Variants in ATP13A3 observed in about 807,000 individuals in gnomAD.
ATP13A3 encodes polyamine-transporting ATPase 13A3.
In ATP13A3, 59 loss-of-function variants were observed where a neutral mutation model predicts 158.1. The ratio of observed to expected loss-of-function variants is 0.37; its 90% CI spans 0.30 to 0.46. ATP13A3 has a LOEUF of 0.46. Ranked by LOEUF, ATP13A3 falls within the 20% of genes least tolerant of loss-of-function variation. The pLI is 1.00. For missense variants in ATP13A3, 1,166 were observed against 1,525.2 expected (o/e 0.76, Z 3.92); for synonymous variants, 491 against 504.3 (o/e 0.97, Z 0.35).
chr3:194,456,489 G>T (rs1031668196), intron 7 of ATP13A3, among the ~76,000 whole-genome samples: 4 of 151,928 alleles, frequency 2.6e-5, no homozygotes, highest in Non-Finnish European at 5.9e-5. Flanking sequence ...TGAAATGTAA[G>T]TCTAAATGAG....
At chr3:194,443,038 T>TAAAAAAA (rs11426254) in intron 15 of ATP13A3, among the ~76,000 whole-genome samples, 1 of 140,774 alleles carries the variant, frequency 7.1e-6, no homozygotes. Flanking sequence ...TGCTTTCACT[T>TAAAAAAA]AAAAAAAAAA....
intron 15 of ATP13A3, among the ~76,000 whole-genome samples, chr3:194,442,555 G>A (rs1560092367): frequency 6.6e-6 from 1 of 152,186 alleles, no homozygotes; most frequent in South Asian, 2.1e-4. Flanking sequence ...AGACACTGTA[G>A]ATGCGAGAGT....
chr3:194,421,724 G>A (rs1716395572), intron 30 of ATP13A3, among the ~76,000 whole-genome samples: 1 of 151,848 alleles, frequency 6.6e-6, no homozygotes. Context: ...TTTGGAAAGT[G>A]GTGGTTGGAA....
Position 194,404,127 on chromosome 3 carries a change from C to T in ATP13A3, c.*1792G>A. ...TTAATATGGAAATTATAAAATGATCCAGAGAATAAGTAACTATAGAAAATA... is the reference window on the plus strand; with the variant it reads ...TTAATATGGAAATTATAAAATGATCTAGAGAATAAGTAACTATAGAAAATA... On this transcript the variant is annotated 3_prime_UTR_variant, in exon 34 of 34. Transcript: ENST00000645319. The T allele has an allele frequency of 2.2e-6, 1 of 450,534 alleles. No homozygotes were observed. Among genetic ancestry groups the T allele is most frequent in the Non-Finnish European group, 4.4e-6 (1 of 225,534 alleles). 27.9% of individuals were successfully genotyped at this position (450,534 alleles called of 1,614,324 possible). A position where few individuals can be genotyped will look rare whatever the true frequency, so the allele number is the denominator to read the frequency against.
upstream of ATP13A3, among the ~76,000 whole-genome samples, chr3:194,490,439 C>T (rs141330541): frequency 6.6e-6 from 1 of 152,204 alleles, no homozygotes; most frequent in Admixed American, 6.5e-5. The surrounding 1 kb of genome is among the most constrained non-coding windows in gnomAD (Gnocchi z 4.4). Context: ...AGACACTTTG[C>T]TGTTAGTTTT....
Position 194,448,378 on chromosome 3 carries a change from C to A in ATP13A3, c.1150+79G>T. The A allele has an allele frequency of 6.5e-7, 1 of 1,527,488 alleles. No homozygotes were observed. Among genetic ancestry groups the A allele is most frequent in the Non-Finnish European group, 9.0e-7 (1 of 1,110,068 alleles). 94.6% of individuals were successfully genotyped at this position (1,527,488 alleles called of 1,614,324 possible). A position where few individuals can be genotyped will look rare whatever the true frequency, so the allele number is the denominator to read the frequency against. ...CAGGCGTTAGCCACAGCACCCAGCCCAGAATCTCTTTTTAAACATTTAGTA... is the reference window on the plus strand; with the variant it reads ...CAGGCGTTAGCCACAGCACCCAGCCAAGAATCTCTTTTTAAACATTTAGTA... On this transcript the variant is annotated intron_variant, in intron 12 of 33. Coordinates refer to ENST00000645319, the MANE Select transcript of ATP13A3 (RefSeq NM_001367549.1). The surrounding 1 kb of genome is among the most constrained non-coding windows in gnomAD (Gnocchi z 4.0).
intron 2 of ATP13A3, among the ~76,000 whole-genome samples, chr3:194,466,323 A>T (rs1259704392): frequency 6.6e-6 from 1 of 152,202 alleles, no homozygotes; most frequent in Non-Finnish European, 1.5e-5. Context: ...TGAAATCCAT[A>T]AAATTGTTAA....
intron 33 of ATP13A3, among the ~76,000 whole-genome samples, chr3:194,411,579 A>G (rs558552168): frequency 5.9e-5 from 9 of 152,280 alleles, no homozygotes; most frequent in Non-Finnish European, 8.8e-5. Flanking sequence ...AGAACTTGCA[A>G]TACCTTTCAA....
intron 20 of ATP13A3, among the ~76,000 whole-genome samples, chr3:194,436,666 A>C (rs1040777604): frequency 4.6e-5 from 7 of 152,270 alleles, no homozygotes; most frequent in African/African-American, 1.7e-4. Flanking sequence ...AGCCTGGCCA[A>C]CATGGCAAAA....
Position 194,436,420 on chromosome 3 carries a change from T to A in ATP13A3, c.2120+675A>T, listed in dbSNP as rs116400996. On this transcript the variant is annotated intron_variant, in intron 20 of 33. Transcript: ENST00000645319. ...ACTCATTATATTCTGATCAAATTAG[T>A]AGTTATATCCAACCACTGGGCAAAA... 4.5e-3 allele frequency among the ~76,000 whole-genome samples: 679 copies of A among 152,308 alleles called. 1 individual carries two copies. Among genetic ancestry groups the A allele is most frequent in the African/African-American group, 0.016 (650 of 41,576 alleles).
At chr3:194,454,595 A>C (rs138077591) in intron 8 of ATP13A3, among the ~76,000 whole-genome samples, 6 of 150,976 alleles carry the variant, frequency 4.0e-5, no homozygotes, top group Non-Finnish European at 7.4e-5. Flanking sequence ...TTGGGAGGCC[A>C]AGGCGGGCGG....
intron 31 of ATP13A3, among the ~76,000 whole-genome samples, chr3:194,418,144 G>A (rs996928399): frequency 1.1e-4 from 16 of 152,038 alleles, no homozygotes; most frequent in African/African-American, 2.9e-4. Flanking sequence ...ATGGGTATGC[G>A]TAAGAGAAAA....
intron 28 of ATP13A3, 86 bp from the exon 29 acceptor site, chr3:194,427,338 T>C (rs1403953660): frequency 3.9e-6 from 5 of 1,269,064 alleles, no homozygotes; most frequent in African/African-American, 3.1e-5. Context: ...TTAGGAACTT[T>C]AAAAATTTGT....
At position 194,460,809 on chromosome 3, in the gene ATP13A3, C is replaced by T; in HGVS notation, c.74G>A (p.Ser25Asn). The change falls in exon 4 of 34, where the codon AGT (serine) becomes AAT (asparagine). Residue 25 changes from serine (S) to asparagine (N), a missense_variant. Physicochemically the swap from Ser to Asn is conservative, Grantham distance 46 (BLOSUM62 1). This residue lies in a region of ATP13A3 where 65 missense variants were observed against 92.4 expected (regional missense o/e 0.70). Transcript: ENST00000645319. The stretch of plus-strand genomic sequence containing the variant: ...AGAAACTATGGCAAGCTTCCAGCGA[C>T]TCAAATTGTAACCATAAATCTCCTG... The part of the protein sequence containing the change: ...DEMEIYGYNL[S>N]RWKLAIVSLG... 1 of 1,614,064 alleles carries T rather than the reference C, an allele frequency of 6.2e-7. No homozygotes were observed. Among genetic ancestry groups the T allele is most frequent in the Non-Finnish European group, 8.5e-7 (1 of 1,179,966 alleles).
intron 10 of ATP13A3, 161 bp from the exon 11 acceptor site, chr3:194,450,437 A>T: frequency 1.5e-6 from 1 of 668,350 alleles, no homozygotes; most frequent in Non-Finnish European, 2.5e-6. Context: ...TAAGATTATT[A>T]GGCTAACAAA....
chr3:194,434,570 C>T lies in ATP13A3; in HGVS notation c.2121-674G>A, dbSNP rs542824336. On this transcript the variant is annotated intron_variant, in intron 20 of 33. Coordinates refer to ENST00000645319, the MANE Select transcript of ATP13A3 (RefSeq NM_001367549.1). ...CAAAGAGATGCACACAAAAATAGTA[C>T]GTGCTTTAGCACTATAAAAGAGATG... 1.1e-4 allele frequency among the ~76,000 whole-genome samples: 16 copies of T among 152,290 alleles called. No homozygotes were observed. The South Asian group carries it at 3.3e-3, about 32-fold the overall frequency.
Position 194,437,588 on chromosome 3 carries a change from A to G in ATP13A3, c.1828-15T>C, listed in dbSNP as rs1437931290. The G allele has an allele frequency of 6.3e-6, 10 of 1,593,390 alleles. No homozygotes were observed. Among genetic ancestry groups the G allele is most frequent in the Non-Finnish European group, 8.6e-6 (10 of 1,167,412 alleles). The stretch of plus-strand genomic sequence containing the variant: ...TCAAACAGCTCCTAAAAACGAAACA[A>G]AACAAGAAAAAATAGTACAGATTAA... On this transcript the variant is annotated splice_polypyrimidine_tract_variant and intron_variant, in intron 17 of 33. Coordinates refer to ENST00000645319, the MANE Select transcript of ATP13A3 (RefSeq NM_001367549.1).
intron 30 of ATP13A3, 160 bp from the exon 31 acceptor site, chr3:194,420,127 T>C: frequency 1.4e-6 from 1 of 725,018 alleles, no homozygotes. Flanking sequence ...TCCTGGAGTA[T>C]GAGACATTGT....
chr3:194,419,077 G>A (rs753491728), intron 31 of ATP13A3, among the ~76,000 whole-genome samples: 14 of 152,118 alleles, frequency 9.2e-5, no homozygotes, highest in Non-Finnish European at 1.8e-4. Context: ...AACAGAGGAT[G>A]GAGAAATGAA....
Sources: allele counts gnomAD v4.1 joint callset (sites outside exome capture counted in the v4.1 genomes callset), GRCh38; gene constraint gnomAD v4.1.1; regional missense constraint gnomAD v4.1.1; non-coding constraint Gnocchi (gnomAD v3.1); transcripts MANE v1.5; gene names NCBI Gene and HGNC (gene_info 2026-07-23, HGNC 2026-07-21).